The following BEND7 variants were observed in gnomAD, a reference collection of about 807,000 sequenced individuals.
The protein encoded by BEND7 is BEN domain containing 7.
BEND7 carries 28 observed loss-of-function variants against 50.9 expected under a neutral mutation model. The observed-to-expected ratio is 0.55, with a 90% CI of 0.41 to 0.75. BEND7 has a LOEUF of 0.75. BEND7 is among the 30% of genes least tolerant of loss of function. The pLI is 0.00. For synonymous variants in BEND7, 170 were observed against 183.9 expected, an observed-to-expected ratio of 0.92 and a Z score of 0.61; for missense variants, 477 against 491.3, an observed-to-expected ratio of 0.97 and a Z score of 0.28.
chr10:13,488,734 G>T (rs574621707), intron 5 of BEND7, among the ~76,000 whole-genome samples: 1 of 152,148 alleles, frequency 6.6e-6, no homozygotes, highest in Admixed American at 6.5e-5. Context: ...TGATCCGCCC[G>T]CCTTGGCCTC....
chr10:13,494,432 C>T (rs1588940375), intron 4 of BEND7, among the ~76,000 whole-genome samples: 1 of 152,016 alleles, frequency 6.6e-6, no homozygotes, highest in South Asian at 2.1e-4. Context: ...AAAACAAAAA[C>T]AAACAAACAA....
intron 6 of BEND7, among the ~76,000 whole-genome samples, chr10:13,457,450 T>G (rs1186217865): frequency 3.3e-5 from 5 of 152,246 alleles, no homozygotes; most frequent in African/African-American, 1.2e-4. Context: ...AAAATCACTG[T>G]CTCCTGGGTC....
At chr10:13,522,746 TA>T (rs1467119151) in intron 2 of BEND7, among the ~76,000 whole-genome samples, 1 of 152,186 alleles carries the variant, frequency 6.6e-6, no homozygotes, top group Non-Finnish European at 1.5e-5. Flanking sequence ...GTCATTTAAT[TA>T]CCGTTCACAG....
intron 6 of BEND7, among the ~76,000 whole-genome samples, chr10:13,464,533 T>G (rs2074034728): frequency 6.6e-6 from 1 of 152,072 alleles, no homozygotes; most frequent in African/African-American, 2.4e-5. Context: ...ACTCCATTAC[T>G]CTGGGGCGGG....
intron 6 of BEND7, among the ~76,000 whole-genome samples, chr10:13,457,596 A>C (rs191716601): frequency 6.6e-6 from 1 of 152,316 alleles, no homozygotes. Flanking sequence ...TTTAACTAGA[A>C]TTTACTTACT....
At chr10:13,506,489 T>C (rs1022866599) in intron 2 of BEND7, among the ~76,000 whole-genome samples, 2 of 152,062 alleles carry the variant, frequency 1.3e-5, no homozygotes, top group Non-Finnish European at 2.9e-5. Context: ...CTGGAGCGCA[T>C]AGTGAGGCCA....
intron 1 of BEND7, among the ~76,000 whole-genome samples, chr10:13,526,775 G>A (rs2079478257): frequency 6.6e-6 from 1 of 152,086 alleles, no homozygotes; most frequent in African/African-American, 2.4e-5. Flanking sequence ...TGACTCTTTC[G>A]CATTCAGCTA....
chr10:13,494,243 C>T (rs1322176927), intron 4 of BEND7, among the ~76,000 whole-genome samples: 2 of 152,088 alleles, frequency 1.3e-5, no homozygotes, highest in African/African-American at 4.8e-5. Context: ...ATGGTGAAAC[C>T]CCGTCTCTAC....
intron 2 of BEND7, among the ~76,000 whole-genome samples, chr10:13,522,763 C>T (rs1360370192): frequency 6.6e-6 from 1 of 152,162 alleles, no homozygotes; most frequent in Non-Finnish European, 1.5e-5. Context: ...CACAGACAGG[C>T]GGTTAAGTGG....
At position 13,493,984 on chromosome 10, in the gene BEND7, C is replaced by T. The variant is rs568535565; in HGVS notation, c.572-1108G>A. Among the ~76,000 whole-genome samples the T allele has an allele frequency of 3.9e-5, 6 of 152,290 alleles. No homozygotes were observed. In the South Asian group the frequency reaches 1.2e-3, roughly 32 times the overall value. On this transcript the variant is annotated intron_variant, in intron 4 of 8. Transcript: ENST00000466271. ...CACTTTGATCCTGATATTTTTGTCTCCAAATTCAAAAGCAATTCATAAATA... is the reference window on the plus strand; with the variant it reads ...CACTTTGATCCTGATATTTTTGTCTTCAAATTCAAAAGCAATTCATAAATA...
At chr10:13,513,617 C>G (rs2078439422) in intron 2 of BEND7, among the ~76,000 whole-genome samples, 1 of 152,190 alleles carries the variant, frequency 6.6e-6, no homozygotes. Flanking sequence ...CTGCTTCTCC[C>G]CACCACCACC....
chr10:13,476,457 T>C (rs2075447029), intron 6 of BEND7, among the ~76,000 whole-genome samples: 1 of 152,332 alleles, frequency 6.6e-6, no homozygotes, highest in South Asian at 2.1e-4. Flanking sequence ...TAATTTCCAC[T>C]GAATGCAAGA....
At chr10:13,495,305 G>A (rs2132077550) in intron 4 of BEND7, among the ~76,000 whole-genome samples, 1 of 152,362 alleles carries the variant, frequency 6.6e-6, no homozygotes, top group Non-Finnish European at 1.5e-5. Flanking sequence ...AACAAGGTGA[G>A]TCCAATGCTT....
Position 13,500,053 on chromosome 10 carries a change from T to A in BEND7, c.173A>T (p.Gln58Leu). ...LGDESMEIKK[Q>L]ITGMRRLLND... Reference sequence around the variant, plus strand: ...CAGCAATCTTCTCATCCCTGTAATTTGCTTTTTTATTTCCATGCTTTCATC... The same window carrying A: ...CAGCAATCTTCTCATCCCTGTAATTAGCTTTTTTATTTCCATGCTTTCATC... The change falls in exon 3 of 9, where the codon CAA (glutamine) becomes CTA (leucine). Residue 58 changes from glutamine (Q) to leucine (L), a missense_variant. Around this residue, in one of 3 missense-constraint regions of BEND7, gnomAD observed 396 missense variants for 384.2 expected, o/e 1.03. Transcript: ENST00000466271. 6.3e-7 allele frequency: 1 copy of A among 1,597,344 alleles called. No individual in the cohort carries two copies. Among genetic ancestry groups the A allele is most frequent in the Non-Finnish European group, 8.6e-7 (1 of 1,167,176 alleles).
At chr10:13,454,101 C>T (rs1384232372) in intron 6 of BEND7, among the ~76,000 whole-genome samples, 1 of 152,102 alleles carries the variant, frequency 6.6e-6, no homozygotes, top group Non-Finnish European at 1.5e-5. Flanking sequence ...GCTAGTGACG[C>T]GTCTAGGGCC....
rs182438002 is a variant in BEND7, at chr10:13,492,179, T to C, written c.837+432A>G. Among the ~76,000 whole-genome samples, 187 of 152,294 alleles carry C rather than the reference T, an allele frequency of 1.2e-3. 2 individuals carry two copies. The highest frequency in any genetic ancestry group is 4.2e-3 in the African/African-American group (173 of 41,572). ...AGTGGTGTGGCTTGCATCTATAAAATAGAATTAGCATGACTGCTCCTTTTT... is the reference window on the plus strand; with the variant it reads ...AGTGGTGTGGCTTGCATCTATAAAACAGAATTAGCATGACTGCTCCTTTTT... On this transcript the variant is annotated intron_variant, in intron 5 of 8. Transcript: ENST00000466271.
chr10:13,441,226 T>C lies in BEND7; in HGVS notation c.*517A>G, dbSNP rs940365827. Reference sequence around the variant, plus strand: ...TCTTTTTTAAAGAACATAGTAATTTTAAAAAATCTAAATATTTACATATTA... The same window carrying C: ...TCTTTTTTAAAGAACATAGTAATTTCAAAAAATCTAAATATTTACATATTA... On this transcript the variant is annotated 3_prime_UTR_variant, in exon 9 of 9. Coordinates refer to ENST00000466271, the MANE Select transcript of BEND7 (RefSeq NM_001369863.1). 2.2e-6 allele frequency: 2 copies of C among 911,034 alleles called. No homozygotes were observed. The highest frequency in any genetic ancestry group is 2.6e-6 in the Non-Finnish European group (2 of 762,352). The allele number at this position is 911,034 out of a possible 1,614,324, so 56.4% of individuals were successfully genotyped here. A position where few individuals can be genotyped will look rare whatever the true frequency, so the allele number is the denominator to read the frequency against.
At chr10:13,464,110 AT>A (rs1424391687) in intron 6 of BEND7, among the ~76,000 whole-genome samples, 1 of 152,234 alleles carries the variant, frequency 6.6e-6, no homozygotes, top group African/African-American at 2.4e-5. Flanking sequence ...GAGCCACTTG[AT>A]AATGCCCAGC....
chr10:13,440,622 G>A (rs1437001309), downstream of BEND7, among the ~76,000 whole-genome samples: 2 of 152,248 alleles, frequency 1.3e-5, no homozygotes, highest in Non-Finnish European at 2.9e-5. Flanking sequence ...CGCGGGAGGC[G>A]GCGGGGGGCA....
Sources: gnomAD v4.1 joint callset for allele counts (sites outside exome capture counted in the v4.1 genomes callset) on GRCh38, gnomAD v4.1.1 for gene constraint, gnomAD v4.1.1 regional missense constraint, MANE v1.5 for transcripts, NCBI Gene and HGNC (gene_info 2026-07-23, HGNC 2026-07-21) for gene names.